Variants in PRKCB observed in about 807,000 individuals in gnomAD.
PRKCB encodes the protein protein kinase C beta type.
Under a neutral mutation model 81.5 loss-of-function variants are expected in PRKCB, and 13 were observed. That is an observed-to-expected ratio of 0.16 (90% CI 0.10 to 0.25). PRKCB has a LOEUF of 0.25. Among genes scored for constraint, PRKCB ranks in the 10% least tolerant of loss-of-function variants. The probability of loss-of-function intolerance (pLI) is 1.00; values close to 1 mark genes in which losing one functional copy is unlikely to be tolerated. For synonymous variants in PRKCB, 335 were observed against 321.4 expected, an observed-to-expected ratio of 1.04 and a Z score of -0.45; for missense variants, 509 against 875.7, an observed-to-expected ratio of 0.58 and a Z score of 5.29.
At chr16:24,150,957 C>A (rs1967071322) in intron 9 of PRKCB, among the ~76,000 whole-genome samples, 1 of 152,166 alleles carries the variant, frequency 6.6e-6, no homozygotes, top group African/African-American at 2.4e-5. Context: ...TTCACACACC[C>A]CTGTTTATTG....
intron 2 of PRKCB, among the ~76,000 whole-genome samples, chr16:23,901,507 A>G (rs1597236383): frequency 2.0e-5 from 3 of 152,306 alleles, no homozygotes; most frequent in African/African-American, 7.2e-5. Context: ...GTAGATGGAT[A>G]GATGAGGGAA....
intron 2 of PRKCB, among the ~76,000 whole-genome samples, chr16:23,986,934 A>T (rs1964811072): frequency 6.6e-6 from 1 of 152,192 alleles, no homozygotes; most frequent in Admixed American, 6.5e-5. Context: ...TAAAGATGTT[A>T]ATGTATCCTC....
intron 9 of PRKCB, among the ~76,000 whole-genome samples, chr16:24,124,461 C>G (rs1966839116): frequency 6.6e-6 from 1 of 152,062 alleles, no homozygotes; most frequent in Non-Finnish European, 1.5e-5. Flanking sequence ...CAGCGGGGAG[C>G]CATTGAACCT....
In PRKCB at chr16:23,913,616, G is replaced by C. The variant is rs142443701; in HGVS notation, c.206-74892G>C. On this transcript the variant is annotated intron_variant, in intron 2 of 16. Coordinates refer to ENST00000643927, the MANE Select transcript of PRKCB (RefSeq NM_002738.7). Reference sequence around the variant, plus strand: ...GGTTAACATCAGACTAGCTAGCCTTGAAAGCTTGAGTCTGAACGGTGATAT... The same window carrying C: ...GGTTAACATCAGACTAGCTAGCCTTCAAAGCTTGAGTCTGAACGGTGATAT... Among the ~76,000 whole-genome samples the C allele has an allele frequency of 1.4e-3, 219 of 152,330 alleles. 2 individuals are homozygous for C. The highest frequency in any genetic ancestry group is 5.0e-3 in the African/African-American group (206 of 41,586).
In PRKCB at chr16:24,215,122, T is replaced by C. The variant is rs1968204955; in HGVS notation, c.*306T>C. 9.1e-7 allele frequency: 1 copy of C among 1,095,222 alleles called. No individual in the cohort carries two copies. The highest frequency in any genetic ancestry group is 1.6e-5 in the African/African-American group (1 of 61,426). The allele number at this position is 1,095,222 out of a possible 1,614,324, so 67.8% of individuals were successfully genotyped here. A position where few individuals can be genotyped will look rare whatever the true frequency, so the allele number is the denominator to read the frequency against. On this transcript the variant is annotated 3_prime_UTR_variant, in exon 17 of 17. Transcript: ENST00000643927. Reference sequence around the variant, plus strand: ...ATGGGGAGAGAAAATGCCTGCTTTCTTTCCCTCTTTTTCTGCACTGCCATA... The same window carrying C: ...ATGGGGAGAGAAAATGCCTGCTTTCCTTCCCTCTTTTTCTGCACTGCCATA...
intron 7 of PRKCB, among the ~76,000 whole-genome samples, chr16:24,095,910 G>T (rs1966432698): frequency 6.6e-6 from 1 of 152,142 alleles, no homozygotes; most frequent in Non-Finnish European, 1.5e-5. Context: ...CTACACCTTA[G>T]CAGAATTCAG....
At chr16:24,047,380 A>T (rs1014822417) in intron 5 of PRKCB, among the ~76,000 whole-genome samples, 1 of 151,882 alleles carries the variant, frequency 6.6e-6, no homozygotes, top group African/African-American at 2.4e-5. Context: ...ATAAAATACA[A>T]ATTAGCTGGA....
intron 3 of PRKCB, among the ~76,000 whole-genome samples, chr16:24,023,827 C>T (rs1965440619): frequency 6.6e-6 from 1 of 152,214 alleles, no homozygotes; most frequent in Non-Finnish European, 1.5e-5. Context: ...GCTCCTACCA[C>T]ACCCCCTCCA....
At chr16:23,982,629 A>G (rs921595250) in intron 2 of PRKCB, among the ~76,000 whole-genome samples, 3 of 151,792 alleles carry the variant, frequency 2.0e-5, no homozygotes, top group Admixed American at 6.6e-5. Flanking sequence ...GAGTCTTGCC[A>G]TGTTGCCCAG....
At chr16:24,116,832 T>C (rs1012427070) in intron 8 of PRKCB, among the ~76,000 whole-genome samples, 6 of 152,230 alleles carry the variant, frequency 3.9e-5, no homozygotes, top group Admixed American at 1.3e-4. Flanking sequence ...TTTTCTTGTA[T>C]ATAACCAAGT....
At position 24,112,550 on chromosome 16, in the gene PRKCB, C is replaced by T. The variant is rs57022966; in HGVS notation, c.822-423C>T. Among the ~76,000 whole-genome samples the T allele has an allele frequency of 6.0e-3, 909 of 152,108 alleles. 8 individuals carry two copies. The highest frequency in any genetic ancestry group is 0.021 in the African/African-American group (857 of 41,494). On this transcript the variant is annotated intron_variant, in intron 7 of 16. Coordinates refer to ENST00000643927, the MANE Select transcript of PRKCB (RefSeq NM_002738.7). Reference sequence around the variant, plus strand: ...GAGACCCTATCTCTAAAAGCAACAACAACAATAACAACAACAACAAGAAAT... The same window carrying T: ...GAGACCCTATCTCTAAAAGCAACAATAACAATAACAACAACAACAAGAAAT...
intron 5 of PRKCB, among the ~76,000 whole-genome samples, chr16:24,085,332 C>T (rs537231413): frequency 9.9e-5 from 15 of 152,062 alleles, no homozygotes; most frequent in Non-Finnish European, 1.8e-4. Flanking sequence ...CAGACCTCCT[C>T]CAAGATTCAT....
chr16:24,026,356 C>A (rs1214062829), intron 3 of PRKCB, among the ~76,000 whole-genome samples: 2 of 152,188 alleles, frequency 1.3e-5, no homozygotes, highest in Non-Finnish European at 2.9e-5. Context: ...CCTTCCCATT[C>A]TTTGTGCTTC....
chr16:23,847,090 T>G (rs143164390), intron 2 of PRKCB, among the ~76,000 whole-genome samples: 2 of 152,210 alleles, frequency 1.3e-5, no homozygotes, highest in Non-Finnish European at 2.9e-5. Context: ...AATTAACTGA[T>G]TCAAGATATG....
At chr16:24,182,481 A>G (rs1407891145) in intron 13 of PRKCB, among the ~76,000 whole-genome samples, 1 of 152,158 alleles carries the variant, frequency 6.6e-6, no homozygotes, top group African/African-American at 2.4e-5. Flanking sequence ...TGATCATGCC[A>G]CTGCACCCCA....
intron 2 of PRKCB, among the ~76,000 whole-genome samples, chr16:23,887,089 CTTCTTGCT>C (rs536433711): frequency 5.9e-5 from 9 of 151,744 alleles, no homozygotes; most frequent in African/African-American, 1.5e-4. Context: ...TCTTTCTTTC[CTTCTTGCT>C]TTCTTGCTTT....
intron 9 of PRKCB, among the ~76,000 whole-genome samples, chr16:24,153,230 C>T (rs1967105372): frequency 6.6e-6 from 1 of 152,180 alleles, no homozygotes; most frequent in African/African-American, 2.4e-5. Context: ...TTGAGTGTAG[C>T]ATCTAATTTC....
At chr16:23,919,804 T>C (rs1017793042) in intron 2 of PRKCB, among the ~76,000 whole-genome samples, 5 of 152,244 alleles carry the variant, frequency 3.3e-5, no homozygotes, top group African/African-American at 9.6e-5. Context: ...GTTATCAAGG[T>C]TGATCCACAT....
Position 23,836,250 on chromosome 16 carries a change from C to G in PRKCB, c.75C>G (p.Ala25=), listed in dbSNP as rs1242660071. Residue 25 remains alanine (A), a synonymous_variant, in exon 1 of 17, where the codon GCC becomes GCG. Coordinates refer to ENST00000643927, the MANE Select transcript of PRKCB (RefSeq NM_002738.7). ...ESTVRFARKG[A]LRQKNVHEVK... ...CCGTGCGCTTCGCCCGCAAAGGCGCCCTCCGGCAGAAGAACGTGCATGAGG... is the reference window on the plus strand; with the variant it reads ...CCGTGCGCTTCGCCCGCAAAGGCGCGCTCCGGCAGAAGAACGTGCATGAGG... 3 of 1,602,224 alleles carry G rather than the reference C, an allele frequency of 1.9e-6. No individual in the cohort carries two copies. Among genetic ancestry groups the G allele is most frequent in the South Asian group, 2.2e-5 (2 of 90,760 alleles).
Sources: allele counts gnomAD v4.1 joint callset (sites outside exome capture counted in the v4.1 genomes callset), GRCh38; gene constraint gnomAD v4.1.1; transcripts MANE v1.5; gene names NCBI Gene and HGNC (gene_info 2026-07-23, HGNC 2026-07-21).